The following ZNF536 variants were observed in gnomAD, a reference collection of about 807,000 sequenced individuals.
The protein encoded by ZNF536 is zinc finger protein 536.
ZNF536 carries 13 observed loss-of-function variants against 84.5 expected under a neutral mutation model. That is an observed-to-expected ratio of 0.15 (90% confidence interval 0.10 to 0.24). ZNF536 has a LOEUF of 0.24. Ranked by LOEUF, ZNF536 falls within the 10% of genes least tolerant of loss-of-function variation. The probability of loss-of-function intolerance (pLI) is 1.00; values close to 1 mark genes in which losing one functional copy is unlikely to be tolerated. For synonymous variants in ZNF536, 811 were observed against 742.5 expected, an observed-to-expected ratio of 1.09 and a Z score of -1.50; for missense variants, 1,536 against 1,747.5, an observed-to-expected ratio of 0.88 and a Z score of 2.16.
chr19:30,401,322 G>A (rs2050037125), intron 1 of ZNF536, among the ~76,000 whole-genome samples: 1 of 152,104 alleles, frequency 6.6e-6, no homozygotes, highest in Non-Finnish European at 1.5e-5. Flanking sequence ...CTATCCTCCT[G>A]CTTCAGTCTG....
intron 1 of ZNF536, among the ~76,000 whole-genome samples, chr19:30,624,211 G>A (rs2147170057): frequency 6.6e-6 from 1 of 152,240 alleles, no homozygotes; most frequent in Middle Eastern, 3.4e-3. Flanking sequence ...GGCCCTCCAA[G>A]TTGACCCCTC....
intron 2 of ZNF536, among the ~76,000 whole-genome samples, chr19:30,495,888 A>G (rs1165099758): frequency 2.0e-5 from 3 of 152,164 alleles, no homozygotes; most frequent in East Asian, 3.8e-4. Flanking sequence ...TTTGTAGCGG[A>G]TGGTTTCAGT....
intron 1 of ZNF536, among the ~76,000 whole-genome samples, chr19:30,616,476 T>C (rs2048298168): frequency 6.6e-6 from 1 of 152,248 alleles, no homozygotes; most frequent in African/African-American, 2.4e-5. Flanking sequence ...TTGCCTTATA[T>C]TAAAACCTCT....
intron 1 of ZNF536, among the ~76,000 whole-genome samples, chr19:30,666,792 T>C (rs1479755685): frequency 6.6e-6 from 1 of 151,014 alleles, no homozygotes; most frequent in Admixed American, 6.6e-5. Context: ...TTCAAAAATA[T>C]ATATGTAAAA....
At chr19:30,660,926 C>T (rs2050100159) in intron 1 of ZNF536, among the ~76,000 whole-genome samples, 1 of 152,206 alleles carries the variant, frequency 6.6e-6, no homozygotes. Context: ...CCGCAGCAGC[C>T]TTCTGCATTT....
chr19:30,300,171 A>T (rs1701210516), intron 2 of ZNF536, among the ~76,000 whole-genome samples: 1 of 152,214 alleles, frequency 6.6e-6, no homozygotes, highest in South Asian at 2.1e-4. Flanking sequence ...ACCATTGCAG[A>T]TGCCAAGAGC....
At chr19:30,362,170 C>CAA (rs1235856767) in intron 3 of ZNF536, among the ~76,000 whole-genome samples, 1 of 152,152 alleles carries the variant, frequency 6.6e-6, no homozygotes, top group Non-Finnish European at 1.5e-5. Flanking sequence ...TCCCTGGAAC[C>CAA]AAAGCTCCTC....
chr19:30,494,201 C>A (rs2054621568), intron 2 of ZNF536, among the ~76,000 whole-genome samples: 1 of 152,184 alleles, frequency 6.6e-6, no homozygotes, highest in Non-Finnish European at 1.5e-5. Context: ...GAAATCTGCA[C>A]AGACAGACAA....
intron 1 of ZNF536, among the ~76,000 whole-genome samples, chr19:30,396,376 T>A (rs1348621449): frequency 1.3e-5 from 2 of 152,218 alleles, no homozygotes; most frequent in Non-Finnish European, 2.9e-5. Context: ...ATTTTCTGGA[T>A]CAATTTGACT....
chr19:30,309,724 A>G (rs2046441618), intron 2 of ZNF536, among the ~76,000 whole-genome samples: 1 of 152,258 alleles, frequency 6.6e-6, no homozygotes, highest in African/African-American at 2.4e-5. Flanking sequence ...AGATGCAGAA[A>G]GAAAAATTAG....
intron 1 of ZNF536, among the ~76,000 whole-genome samples, chr19:30,663,445 C>T (rs1251010348): frequency 6.6e-6 from 1 of 152,086 alleles, no homozygotes; most frequent in Non-Finnish European, 1.5e-5. Flanking sequence ...TATAAGTTTC[C>T]CCAACTTCTC....
At chr19:30,649,358 G>C (rs2049609025) in intron 1 of ZNF536, among the ~76,000 whole-genome samples, 2 of 152,180 alleles carry the variant, frequency 1.3e-5, no homozygotes, top group African/African-American at 2.4e-5. Context: ...GCTCTTAACA[G>C]GGGGACATAC....
intron 2 of ZNF536, among the ~76,000 whole-genome samples, chr19:30,482,947 C>T (rs1227975303): frequency 6.6e-6 from 1 of 152,176 alleles, no homozygotes; most frequent in African/African-American, 2.4e-5. Context: ...GTGCTGTATG[C>T]TTCTTGCTTT....
intron 1 of ZNF536, among the ~76,000 whole-genome samples, chr19:30,242,981 T>A (rs2024039030): frequency 6.6e-6 from 1 of 152,188 alleles, no homozygotes; most frequent in Admixed American, 6.5e-5. Context: ...CCTGCATACA[T>A]ATCGTATTTC....
At chr19:30,712,303 T>C (rs2052476691) in exon 2 of ZNF536, 1 of 152,192 alleles carries the variant, frequency 6.6e-6, no homozygotes, top group Non-Finnish European at 1.5e-5. Context: ...TTGAATCTGC[T>C]AGCATGGTGT....
intron 2 of ZNF536, among the ~76,000 whole-genome samples, chr19:30,301,156 T>C (rs1211747971): frequency 6.6e-6 from 1 of 152,182 alleles, no homozygotes; most frequent in Non-Finnish European, 1.5e-5. Context: ...GTGGACGTTT[T>C]CATAGGCTCT....
chr19:30,358,524 C>G (rs984840692), intron 3 of ZNF536, among the ~76,000 whole-genome samples: 1 of 152,246 alleles, frequency 6.6e-6, no homozygotes, highest in African/African-American at 2.4e-5. Flanking sequence ...TTAGCAATCA[C>G]TGTTGTGTTG....
At chr19:30,509,579 A>C (rs2055326967) in intron 2 of ZNF536, among the ~76,000 whole-genome samples, 1 of 151,236 alleles carries the variant, frequency 6.6e-6, no homozygotes, top group African/African-American at 2.4e-5. Context: ...GGCACACAAC[A>C]TGACATTATG....
chr19:30,380,920 A>T (rs1466601962), intron 1 of ZNF536, among the ~76,000 whole-genome samples: 2 of 152,166 alleles, frequency 1.3e-5, no homozygotes, highest in Non-Finnish European at 2.9e-5. Context: ...TCTGTCACCC[A>T]GGCTGGAGTG....
Sources: gnomAD v4.1 joint callset for allele counts (sites outside exome capture counted in the v4.1 genomes callset) on GRCh38, gnomAD v4.1.1 for gene constraint, MANE v1.5 for transcripts, NCBI Gene and HGNC (gene_info 2026-07-23, HGNC 2026-07-21) for gene names.